ULK4: variants seen among roughly 807,000 people sequenced by gnomAD.
ULK4 encodes inactive serine/threonine-protein kinase ULK4.
A neutral mutation model predicts 160.6 loss-of-function variants in ULK4; 133 were observed. That is an observed-to-expected ratio of 0.83 (90% CI 0.72 to 0.96). The LOEUF is 0.96. ULK4 is among the 40% of genes least tolerant of loss of function. The pLI is 0.00. For synonymous variants in ULK4, 534 were observed against 539.8 expected, an observed-to-expected ratio of 0.99 and a Z score of 0.15; for missense variants, 1,580 against 1,499.5, an observed-to-expected ratio of 1.05 and a Z score of -0.89.
At chr3:41,622,168 G>A (rs2033273690) in intron 30 of ULK4, among the ~76,000 whole-genome samples, 1 of 152,202 alleles carries the variant, frequency 6.6e-6, no homozygotes, top group African/African-American at 2.4e-5. Flanking sequence ...TGGTGGGAGT[G>A]TAAATTACTT....
Position 41,444,412 on chromosome 3 carries a change from A to G in ULK4, c.3492+11085T>C, listed in dbSNP as rs565363831. On this transcript the variant is annotated intron_variant, in intron 34 of 36. Coordinates refer to ENST00000301831, the MANE Select transcript of ULK4 (RefSeq NM_017886.4). ...CTCTCTGTATATATATAATCTCCTT[A>G]CAGATACTATGTCTCATAATGAATT... 4.7e-5 allele frequency among the ~76,000 whole-genome samples: 7 copies of G among 149,756 alleles called. No homozygotes were observed. In the East Asian group the frequency reaches 1.4e-3, roughly 29 times the overall value.
chr3:41,921,614 C>CTAAA (rs144668074), intron 5 of ULK4, among the ~76,000 whole-genome samples: 1,883 of 151,862 alleles, frequency 0.012, 39 homozygotes, highest in African/African-American at 0.043. Flanking sequence ...GACTCCGTCT[C>CTAAA]TAAATAAATA....
chr3:41,485,338 T>A (rs925041913), intron 32 of ULK4, among the ~76,000 whole-genome samples: 7 of 152,114 alleles, frequency 4.6e-5, no homozygotes, highest in African/African-American at 1.7e-4. Context: ...AAAGGTGTGA[T>A]TGGGAACAGA....
At chr3:41,579,642 C>T (rs1022211691) in intron 31 of ULK4, among the ~76,000 whole-genome samples, 15 of 151,836 alleles carry the variant, frequency 9.9e-5, no homozygotes, top group South Asian at 2.1e-4. Flanking sequence ...TACAGGCGCG[C>T]GCCTCCATGC....
intron 32 of ULK4, among the ~76,000 whole-genome samples, chr3:41,477,496 T>C (rs1190344525): frequency 6.6e-6 from 1 of 152,216 alleles, no homozygotes; most frequent in Non-Finnish European, 1.5e-5. Context: ...TGTGGTCACT[T>C]ACACTAGGGT....
chr3:41,422,028 G>A (rs2082675141), intron 34 of ULK4, among the ~76,000 whole-genome samples: 1 of 151,762 alleles, frequency 6.6e-6, no homozygotes, highest in Non-Finnish European at 1.5e-5. Context: ...CTTTAAACTG[G>A]CAGCCCTCCT....
intron 2 of ULK4, among the ~76,000 whole-genome samples, chr3:41,949,687 G>T (rs995623371): frequency 6.7e-5 from 10 of 149,454 alleles, no homozygotes; most frequent in African/African-American, 2.4e-4. Context: ...CCCCCTCCTC[G>T]GCCACTCAAA....
At chr3:41,808,678 T>C (rs1006098863) in intron 19 of ULK4, among the ~76,000 whole-genome samples, 2 of 152,236 alleles carry the variant, frequency 1.3e-5, no homozygotes, top group African/African-American at 4.8e-5. Flanking sequence ...TGGTGTTAAA[T>C]AGATTTAATA....
intron 21 of ULK4, among the ~76,000 whole-genome samples, chr3:41,775,998 T>C (rs941960348): frequency 3.3e-5 from 5 of 150,976 alleles, no homozygotes; most frequent in African/African-American, 1.2e-4. Context: ...CCAAATTTCT[T>C]TGTACACATG....
At chr3:41,666,972 G>A (rs2035368809) in intron 29 of ULK4, among the ~76,000 whole-genome samples, 3 of 151,832 alleles carry the variant, frequency 2.0e-5, no homozygotes, top group Non-Finnish European at 4.4e-5. Context: ...GTGAGACCCT[G>A]TCTATAAAAA....
chr3:41,413,144 A>G (rs2082444484), intron 34 of ULK4, among the ~76,000 whole-genome samples: 1 of 152,184 alleles, frequency 6.6e-6, no homozygotes, highest in South Asian at 2.1e-4. Context: ...GCCACGTGAA[A>G]GGGGTTTCCC....
At chr3:41,519,571 T>A (rs1674210635) in intron 32 of ULK4, among the ~76,000 whole-genome samples, 1 of 152,162 alleles carries the variant, frequency 6.6e-6, no homozygotes, top group Non-Finnish European at 1.5e-5. Context: ...TGGTAGGGAA[T>A]TTGAATTTGA....
chr3:41,696,335 T>C (rs2036498887), intron 27 of ULK4, among the ~76,000 whole-genome samples: 1 of 152,212 alleles, frequency 6.6e-6, no homozygotes, highest in Non-Finnish European at 1.5e-5. Context: ...AAGTTTCTGA[T>C]ATGCAGAAAT....
At chr3:41,306,376 G>T (rs1393123155) in intron 35 of ULK4, among the ~76,000 whole-genome samples, 1 of 133,424 alleles carries the variant, frequency 7.5e-6, no homozygotes, top group Non-Finnish European at 1.5e-5. Flanking sequence ...CCAGCCAGCT[G>T]CCCCGTCCGG....
chr3:41,455,623 A>G, intron 33 of ULK4, 28 bp from the exon 34 acceptor site: 1 of 1,610,466 alleles, frequency 6.2e-7, no homozygotes, highest in African/African-American at 1.3e-5. Context: ...GAAATGAAAG[A>G]CGGTCTTGGT....
intron 35 of ULK4, among the ~76,000 whole-genome samples, chr3:41,388,057 A>G (rs1166381275): frequency 6.6e-6 from 1 of 152,094 alleles, no homozygotes; most frequent in Non-Finnish European, 1.5e-5. Context: ...CTTTGTAATG[A>G]TTGCCATTCT....
chr3:41,739,732 A>G (rs1336899172), intron 22 of ULK4, among the ~76,000 whole-genome samples: 2 of 151,922 alleles, frequency 1.3e-5, no homozygotes, highest in Non-Finnish European at 2.9e-5. Context: ...CCAAATGTCA[A>G]CAAAGACTCC....
intron 23 of ULK4, among the ~76,000 whole-genome samples, chr3:41,717,131 G>C (rs1426998880): frequency 6.6e-6 from 1 of 152,094 alleles, no homozygotes; most frequent in African/African-American, 2.4e-5. Context: ...TTCAGTGTTT[G>C]ATAGCAGAGC....
intron 34 of ULK4, among the ~76,000 whole-genome samples, chr3:41,416,809 G>C (rs1051297195): frequency 6.6e-6 from 1 of 152,192 alleles, no homozygotes; most frequent in Non-Finnish European, 1.5e-5. Context: ...GGAGGAAAAG[G>C]AGGGAGAAAG....
Sources: gnomAD v4.1 joint callset for allele counts (sites outside exome capture counted in the v4.1 genomes callset) on GRCh38, gnomAD v4.1.1 for gene constraint, MANE v1.5 for transcripts, NCBI Gene and HGNC (gene_info 2026-07-23, HGNC 2026-07-21) for gene names.